The following SAMTOR variants were observed in gnomAD, a reference collection of about 807,000 sequenced individuals.
SAMTOR encodes the protein UPF0532 protein C7orf60.
the SAMTOR span, among the ~76,000 whole-genome samples, chr7:112,912,680 T>TA: frequency 6.0e-4 from 88 of 147,520 alleles, no homozygotes; most frequent in South Asian, 2.4e-3. Flanking sequence ...CTTCTGATAG[T>TA]AAAAAAAAAA....
the SAMTOR span, chr7:112,939,845 C>A: frequency 2.0e-6 from 2 of 978,342 alleles, no homozygotes; most frequent in Non-Finnish European, 3.0e-6. Context: ...GCGGAGGCAG[C>A]AGCCAGAGGA....
chr7:112,863,197 T>C, the SAMTOR span, among the ~76,000 whole-genome samples: 2 of 152,196 alleles, frequency 1.3e-5, no homozygotes, highest in East Asian at 3.8e-4. Flanking sequence ...GAATTCTCTA[T>C]TCAATAAATG....
chr7:112,909,096 G>C, the SAMTOR span, among the ~76,000 whole-genome samples: 8 of 152,188 alleles, frequency 5.3e-5, no homozygotes, highest in African/African-American at 1.9e-4. Flanking sequence ...TTCTAGAAAA[G>C]ACATGAATAT....
At chr7:112,832,881 CATTT>C in the SAMTOR span, among the ~76,000 whole-genome samples, 11 of 152,070 alleles carry the variant, frequency 7.2e-5, no homozygotes, top group African/African-American at 2.4e-4. Context: ...TAAAAATATT[CATTT>C]ATTAGACTTA....
At chr7:112,820,459 T>C in the SAMTOR span, 1 of 152,360 alleles carries the variant, frequency 6.6e-6, no homozygotes, top group Non-Finnish European at 1.5e-5. Context: ...GTAATTTTAA[T>C]GTAATAACCA....
chr7:112,895,663 T>C, the SAMTOR span: 1 of 1,594,536 alleles, frequency 6.3e-7, no homozygotes, highest in Non-Finnish European at 8.6e-7. Context: ...GTGGTCTTAG[T>C]GGCAAGTACA....
chr7:112,937,215 T>C, the SAMTOR span, among the ~76,000 whole-genome samples: 1 of 152,184 alleles, frequency 6.6e-6, no homozygotes. Flanking sequence ...TGGGAATCAC[T>C]GCTAAATGCT....
chr7:112,851,626 A>T, the SAMTOR span, among the ~76,000 whole-genome samples: 1 of 152,144 alleles, frequency 6.6e-6, no homozygotes, highest in South Asian at 2.1e-4. Flanking sequence ...TCTAGGCATG[A>T]ATTCAAAAGC....
At chr7:112,835,160 A>G in the SAMTOR span, among the ~76,000 whole-genome samples, 3 of 152,048 alleles carry the variant, frequency 2.0e-5, no homozygotes, top group Admixed American at 2.0e-4. Flanking sequence ...AGGGGTGGCT[A>G]CTATGCATTA....
chr7:112,932,874 A>T, the SAMTOR span, among the ~76,000 whole-genome samples: 1 of 152,246 alleles, frequency 6.6e-6, no homozygotes, highest in African/African-American at 2.4e-5. Flanking sequence ...CGAAGAGGTC[A>T]TTTCAAAAGA....
At chr7:112,836,112 T>C in the SAMTOR span, among the ~76,000 whole-genome samples, 1 of 152,100 alleles carries the variant, frequency 6.6e-6, no homozygotes, top group African/African-American at 2.4e-5. Context: ...CAGCACTGTA[T>C]TAGCATTCCC....
chr7:112,925,011 C>T, the SAMTOR span, among the ~76,000 whole-genome samples: 1 of 152,178 alleles, frequency 6.6e-6, no homozygotes, highest in Admixed American at 6.5e-5. Flanking sequence ...GAGAATACCA[C>T]ATACCGAAGT....
chr7:112,857,225 G>A, the SAMTOR span, among the ~76,000 whole-genome samples: 1 of 150,090 alleles, frequency 6.7e-6, no homozygotes, highest in East Asian at 2.0e-4. Flanking sequence ...CCGAGTAGCT[G>A]GGACTACAGG....
chr7:112,853,306 A>C, the SAMTOR span, among the ~76,000 whole-genome samples: 1 of 152,164 alleles, frequency 6.6e-6, no homozygotes, highest in African/African-American at 2.4e-5. Flanking sequence ...AATGATGTAT[A>C]TAAGCTATTC....
At chr7:112,822,276 G>C in the SAMTOR span, 4 of 1,613,458 alleles carry the variant, frequency 2.5e-6, no homozygotes, top group Non-Finnish European at 3.4e-6. Context: ...AGAATCAATA[G>C]GGTTTTTCAG....
chr7:112,930,972 G>A, the SAMTOR span, among the ~76,000 whole-genome samples: 1,325 of 152,274 alleles, frequency 8.7e-3, 23 homozygotes, highest in African/African-American at 0.03. Flanking sequence ...TGCAACAGAG[G>A]AAAGTACACA....
chr7:112,883,018 G>A, the SAMTOR span, among the ~76,000 whole-genome samples: 2 of 152,052 alleles, frequency 1.3e-5, no homozygotes, highest in Non-Finnish European at 1.5e-5. Flanking sequence ...ATCTAATTCA[G>A]TCCTTTTTAT....
chr7:112,825,646 T>C, the SAMTOR span, among the ~76,000 whole-genome samples: 1 of 152,192 alleles, frequency 6.6e-6, no homozygotes, highest in Non-Finnish European at 1.5e-5. Flanking sequence ...TTTTACTTCT[T>C]TCCAATGTGC....
chr7:112,898,643 A>G, the SAMTOR span, among the ~76,000 whole-genome samples: 1 of 151,454 alleles, frequency 6.6e-6, no homozygotes, highest in Non-Finnish European at 1.5e-5. Context: ...CCTTCAGTAA[A>G]CATCAATGAC....
Sources: allele counts gnomAD v4.1 joint callset (sites outside exome capture counted in the v4.1 genomes callset), GRCh38; gene constraint gnomAD v4.1.1; transcripts MANE v1.5; gene names NCBI Gene and HGNC (gene_info 2026-07-23, HGNC 2026-07-21).